Variants in CCDC146 observed in about 807,000 individuals in gnomAD.
CCDC146 encodes coiled-coil domain containing 146.
Under a neutral mutation model 119.3 loss-of-function variants are expected in CCDC146, and 92 were observed. That is an observed-to-expected ratio of 0.77 (90% CI 0.65 to 0.92). The LOEUF is 0.92. CCDC146 is among the 40% of genes least tolerant of loss of function. CCDC146 has a pLI of 0.00. For missense variants in CCDC146, 1,000 were observed against 1,103.0 expected, an observed-to-expected ratio of 0.91 and a Z score of 1.32; for synonymous variants, 372 against 371.8, an observed-to-expected ratio of 1.00 and a Z score of -0.01.
intron 2 of CCDC146, among the ~76,000 whole-genome samples, chr7:77,204,074 A>G (rs1355956953): frequency 6.6e-6 from 1 of 152,150 alleles, no homozygotes; most frequent in Non-Finnish European, 1.5e-5. Context: ...AAAAGAAGAA[A>G]GTAAATTTAA....
At chr7:77,190,227 A>G (rs1294005533) in intron 2 of CCDC146, among the ~76,000 whole-genome samples, 1 of 152,238 alleles carries the variant, frequency 6.6e-6, no homozygotes, top group Non-Finnish European at 1.5e-5. Context: ...TTAACTAAGC[A>G]AGCAAACTAT....
intron 3 of CCDC146, among the ~76,000 whole-genome samples, chr7:77,239,017 G>A (rs926988106): frequency 1.3e-5 from 2 of 152,136 alleles, no homozygotes; most frequent in Admixed American, 6.5e-5. Flanking sequence ...CTCTTCATTC[G>A]TGCTGCTAGG....
intron 2 of CCDC146, among the ~76,000 whole-genome samples, chr7:77,188,270 G>T (rs1200293465): frequency 6.6e-6 from 1 of 151,860 alleles, no homozygotes; most frequent in Admixed American, 6.6e-5. Context: ...ATTATGCATT[G>T]TATCCTCTAT....
At chr7:77,205,214 G>T (rs1313392387) in intron 2 of CCDC146, among the ~76,000 whole-genome samples, 1 of 152,044 alleles carries the variant, frequency 6.6e-6, no homozygotes, top group Non-Finnish European at 1.5e-5. Flanking sequence ...AAGTCATTGC[G>T]AATACTGAAT....
rs748387891 is a variant in CCDC146, at chr7:77,282,707, A to C, written c.2070A>C (p.Gln690His). The change falls in exon 15 of 19, where the codon CAA becomes CAC. Residue 690 changes from glutamine (Q) to histidine (H), a missense_variant. Physicochemically the swap from Gln to His is conservative, Grantham distance 24. Transcript: ENST00000285871. ...TGAAAATGAAGATTGCTGAGAAGCA[A>C]AGACAAATTTGTGTGACCCAGAAAT... is the stretch of plus-strand genomic sequence containing the variant. ...QFLKMKIAEK[Q>H]RQICVTQKLL... The C allele has an allele frequency of 1.9e-6, 3 of 1,614,222 alleles. No individual in the cohort carries two copies. In the South Asian group the frequency reaches 3.3e-5, roughly 18 times the overall value.
intron 5 of CCDC146, 26 bp downstream of exon 5, chr7:77,254,589 C>G: frequency 8.1e-7 from 1 of 1,234,654 alleles, no homozygotes; most frequent in Non-Finnish European, 1.2e-6. Context: ...TATAGAGTTT[C>G]TTAAATACAG....
At chr7:77,137,827 C>T (rs1171062231) in intron 1 of CCDC146, among the ~76,000 whole-genome samples, 2 of 151,848 alleles carry the variant, frequency 1.3e-5, no homozygotes, top group Non-Finnish European at 2.9e-5. Flanking sequence ...GGAGGACTGA[C>T]ACTACCCGAC....
chr7:77,241,076 G>A (rs1214197179), intron 3 of CCDC146, among the ~76,000 whole-genome samples: 1 of 66,162 alleles, frequency 1.5e-5, no homozygotes, highest in Non-Finnish European at 3.4e-5. Context: ...AATCTCGGCT[G>A]AGATGGAGTC....
intron 1 of CCDC146, among the ~76,000 whole-genome samples, chr7:77,123,446 GTGTGTGTGTGTT>G (rs1433766678): frequency 1.4e-5 from 2 of 139,342 alleles, no homozygotes; most frequent in Non-Finnish European, 1.6e-5. Context: ...GTGTGTGTGT[GTGTGTGTGTGTT>G]TACCTTTTAT....
intron 4 of CCDC146, among the ~76,000 whole-genome samples, chr7:77,242,756 G>A (rs1792873552): frequency 6.6e-6 from 1 of 152,132 alleles, no homozygotes. Flanking sequence ...TTAAGAGTAG[G>A]TGGACTTCTG....
chr7:77,148,033 C>T (rs1791050414), intron 1 of CCDC146, among the ~76,000 whole-genome samples: 3 of 152,236 alleles, frequency 2.0e-5, no homozygotes, highest in Admixed American at 2.0e-4. Flanking sequence ...GCAGGCAGGC[C>T]TCCTTGAGCT....
chr7:77,207,346 T>C (rs1366639190), intron 2 of CCDC146, among the ~76,000 whole-genome samples: 2 of 152,198 alleles, frequency 1.3e-5, no homozygotes, highest in Non-Finnish European at 2.9e-5. Flanking sequence ...TTCATGATTA[T>C]TATCAACAGA....
rs764874847 is a variant in CCDC146, at chr7:77,282,801, C to T, written c.2148+16C>T. On this transcript the variant is annotated intron_variant, in intron 15 of 18. Coordinates refer to ENST00000285871, the MANE Select transcript of CCDC146 (RefSeq NM_020879.3). ...CCAAATTCAGGTGGGTGAGTGATCA[C>T]GGGACACTTCCTCAGACCATTTATT... 62 of 1,554,232 alleles carry T rather than the reference C, an allele frequency of 4.0e-5. No individual in the cohort carries two copies. Among genetic ancestry groups the T allele is most frequent in the Middle Eastern group, 1.7e-4 (1 of 5,994 alleles).
chr7:77,268,082 A>C (rs1584128845), intron 9 of CCDC146, among the ~76,000 whole-genome samples: 4 of 152,344 alleles, frequency 2.6e-5, no homozygotes, highest in South Asian at 4.1e-4. Flanking sequence ...GGTTTAAAGA[A>C]ATGGGACTTT....
intron 1 of CCDC146, among the ~76,000 whole-genome samples, chr7:77,165,429 C>T (rs1302074511): frequency 2.0e-5 from 3 of 151,944 alleles, no homozygotes; most frequent in African/African-American, 7.3e-5. Context: ...CAGCAGTGTG[C>T]ACATGCACAG....
intron 6 of CCDC146, among the ~76,000 whole-genome samples, chr7:77,257,462 T>C (rs1793202274): frequency 6.6e-6 from 1 of 152,148 alleles, no homozygotes; most frequent in South Asian, 2.1e-4. Flanking sequence ...CCAGCTACTG[T>C]CCAGAACATA....
intron 4 of CCDC146, among the ~76,000 whole-genome samples, chr7:77,246,035 GC>G (rs1562846240): frequency 6.6e-6 from 1 of 152,024 alleles, no homozygotes; most frequent in East Asian, 1.9e-4. Flanking sequence ...TATGATTTTT[GC>G]CCCAGCCCAC....
intron 2 of CCDC146, among the ~76,000 whole-genome samples, chr7:77,169,781 A>AT (rs1056275437): frequency 6.6e-6 from 1 of 151,380 alleles, no homozygotes; most frequent in Non-Finnish European, 1.5e-5. Context: ...CTCATCTTGT[A>AT]TTTTTTTTGC....
intron 2 of CCDC146, among the ~76,000 whole-genome samples, chr7:77,226,591 C>T (rs1792519647): frequency 6.6e-6 from 1 of 152,222 alleles, no homozygotes; most frequent in South Asian, 2.1e-4. Context: ...GTAAATGTTT[C>T]CTTCCAGTCA....
Sources: gnomAD v4.1 joint callset for allele counts (sites outside exome capture counted in the v4.1 genomes callset) on GRCh38, gnomAD v4.1.1 for gene constraint, MANE v1.5 for transcripts, NCBI Gene and HGNC (gene_info 2026-07-23, HGNC 2026-07-21) for gene names.